Variants in ELMO1 observed in about 807,000 individuals in gnomAD.
ELMO1 encodes the protein engulfment and cell motility 1.
Under a neutral mutation model 98.9 loss-of-function variants are expected in ELMO1, and 26 were observed. That is an observed-to-expected ratio of 0.26 (90% CI 0.19 to 0.36). ELMO1 has a LOEUF of 0.36. Among genes scored for constraint, ELMO1 ranks in the 10% least tolerant of loss-of-function variants. The pLI is 1.00. For missense variants in ELMO1, 627 were observed against 935.2 expected (o/e 0.67, Z 4.30); for synonymous variants, 346 against 346.0 (o/e 1.00, Z 0.00).
At chr7:37,285,977 C>G (rs1347888689) in intron 4 of ELMO1, among the ~76,000 whole-genome samples, 1 of 151,166 alleles carries the variant, frequency 6.6e-6, no homozygotes, top group Non-Finnish European at 1.5e-5. Context: ...CTCAGAAAGC[C>G]ACAAAGTGCT....
At chr7:37,244,447 CA>C in intron 6 of ELMO1, 56 bp from the exon 7 acceptor site, 3 of 1,564,810 alleles carry the variant, frequency 1.9e-6, no homozygotes, top group Non-Finnish European at 2.6e-6. Flanking sequence ...ACAATTTTTA[CA>C]CAAAGAACAT....
rs1221583543 is a variant in ELMO1 at position 37,389,444 on chromosome 7, T to G, written c.-73-46681A>C. On this transcript the variant is annotated intron_variant, in intron 1 of 21. Coordinates refer to ENST00000310758, the MANE Select transcript of ELMO1 (RefSeq NM_014800.11). ...TAAAAGTCTATTTTAAAAAGTTGAG[T>G]GTTTTTCCCTCCATTGTGTTGATGC... Among the ~76,000 whole-genome samples, 5 of 152,200 alleles carry G rather than the reference T, an allele frequency of 3.3e-5. No individual in the cohort carries two copies. In the East Asian group the frequency reaches 9.6e-4, roughly 29 times the overall value.
chr7:37,025,490 A>G (rs375447341), intron 15 of ELMO1, among the ~76,000 whole-genome samples: 3 of 152,312 alleles, frequency 2.0e-5, no homozygotes, highest in Admixed American at 6.5e-5. Context: ...AGTGGACTCA[A>G]TGAAGTAGAT....
chr7:37,131,722 A>G (rs191781592), intron 14 of ELMO1, among the ~76,000 whole-genome samples: 314 of 152,350 alleles, frequency 2.1e-3, no homozygotes, highest in African/African-American at 6.7e-3. Context: ...ATGGAAAAAC[A>G]ATTTTCTTAT....
chr7:37,050,825 T>C (rs564302100), intron 15 of ELMO1, among the ~76,000 whole-genome samples: 1 of 152,252 alleles, frequency 6.6e-6, no homozygotes, highest in South Asian at 2.1e-4. Context: ...GTTTTTTTTT[T>C]TTTAATCACA....
At chr7:37,075,924 T>C (rs1797552465) in intron 15 of ELMO1, among the ~76,000 whole-genome samples, 2 of 152,148 alleles carry the variant, frequency 1.3e-5, no homozygotes, top group South Asian at 4.1e-4. Context: ...CAGACAATGC[T>C]CTGTTGAGTA....
chr7:36,871,028 C>T (rs1584279597), intron 19 of ELMO1, among the ~76,000 whole-genome samples: 1 of 152,218 alleles, frequency 6.6e-6, no homozygotes, highest in African/African-American at 2.4e-5. Flanking sequence ...TCTCTGCCAT[C>T]TCATTAATTC....
chr7:37,330,086 C>T (rs10243081), intron 2 of ELMO1, among the ~76,000 whole-genome samples: 7,889 of 152,292 alleles, frequency 0.052, 248 homozygotes, highest in East Asian at 0.13. Flanking sequence ...GATGGGAGAG[C>T]CTCACAGATC....
chr7:37,205,438 T>G (rs548399299), intron 13 of ELMO1, among the ~76,000 whole-genome samples: 1 of 152,364 alleles, frequency 6.6e-6, no homozygotes, highest in East Asian at 1.9e-4. Context: ...CAGCCAACAG[T>G]GCTGTAACTA....
chr7:37,127,846 C>T (rs557234680), intron 14 of ELMO1, among the ~76,000 whole-genome samples: 93 of 152,168 alleles, frequency 6.1e-4, no homozygotes, highest in African/African-American at 2.2e-3. Flanking sequence ...AAGCTAAAAC[C>T]AGGTAATTTG....
At position 37,233,615 on chromosome 7, in the gene ELMO1, T is replaced by C. The variant is rs1159857332; in HGVS notation, c.450-421A>G. ...GTAAATGGTGGCTTAAAGAAAAGCT[T>C]CTTGGCTAATGAAATTTGGAGCTGC... On this transcript the variant is annotated intron_variant, in intron 7 of 21. Transcript: ENST00000310758. Among the ~76,000 whole-genome samples the C allele has an allele frequency of 2.0e-5, 3 of 152,342 alleles. No individual in the cohort carries two copies. The East Asian group carries it at 5.8e-4, about 29-fold the overall frequency.
intron 4 of ELMO1, among the ~76,000 whole-genome samples, chr7:37,292,955 G>A (rs1164954630): frequency 3.5e-5 from 2 of 56,602 alleles, no homozygotes; most frequent in African/African-American, 1.0e-4. Context: ...CGCCCCGTCC[G>A]GGAAGTGAGG....
At chr7:37,405,459 C>T (rs187753204) in intron 1 of ELMO1, among the ~76,000 whole-genome samples, 3 of 152,330 alleles carry the variant, frequency 2.0e-5, no homozygotes, top group Admixed American at 1.3e-4. Context: ...TTAAGTACAG[C>T]AAACACACTT....
At chr7:37,060,814 T>C (rs751414126) in intron 15 of ELMO1, among the ~76,000 whole-genome samples, 1 of 152,126 alleles carries the variant, frequency 6.6e-6, no homozygotes, top group Non-Finnish European at 1.5e-5. Context: ...TGTCAAAAAT[T>C]TGGGGTAATG....
intron 15 of ELMO1, among the ~76,000 whole-genome samples, chr7:37,050,498 C>T (rs1479384752): frequency 6.6e-6 from 1 of 152,028 alleles, no homozygotes; most frequent in Non-Finnish European, 1.5e-5. Context: ...AACAACTCTG[C>T]AAGGGAGTGC....
rs1163366382 is a variant in ELMO1 at position 37,267,031 on chromosome 7, G to GTATA, written c.243+4797_243+4800dup. On this transcript the variant is annotated intron_variant, in intron 5 of 21. Transcript: ENST00000310758. ...CCATCTAAAAAAAAAAAAAAAATAT[G>GTATA]TATATATACACACACACACACACAC... is the stretch of plus-strand genomic sequence containing the variant. Among the ~76,000 whole-genome samples, 70 of 26,572 alleles carry GTATA rather than the reference G, an allele frequency of 2.6e-3. 4 individuals are homozygous for GTATA. Among genetic ancestry groups the GTATA allele is most frequent in the South Asian group, 4.9e-3 (4 of 812 alleles). 17.4% of individuals were successfully genotyped at this position (26,572 alleles called of 152,430 possible).
At chr7:37,085,887 G>C (rs1783740806) in intron 15 of ELMO1, among the ~76,000 whole-genome samples, 1 of 152,168 alleles carries the variant, frequency 6.6e-6, no homozygotes, top group African/African-American at 2.4e-5. Flanking sequence ...CTTGTATCCT[G>C]AATTTAAACT....
intron 16 of ELMO1, among the ~76,000 whole-genome samples, chr7:36,925,604 G>A (rs1167812911): frequency 6.6e-6 from 1 of 152,168 alleles, no homozygotes; most frequent in Non-Finnish European, 1.5e-5. Flanking sequence ...TGCAGGGCCT[G>A]AAAGCCCAGC....
intron 16 of ELMO1, among the ~76,000 whole-genome samples, chr7:36,942,072 G>A (rs1289949533): frequency 3.3e-5 from 5 of 152,132 alleles, no homozygotes; most frequent in African/African-American, 4.8e-5. Flanking sequence ...ACATTAATTT[G>A]TAATTTACAT....
Sources: allele counts gnomAD v4.1 joint callset (sites outside exome capture counted in the v4.1 genomes callset), GRCh38; gene constraint gnomAD v4.1.1; transcripts MANE v1.5; gene names NCBI Gene and HGNC (gene_info 2026-07-23, HGNC 2026-07-21).